Variants in COL16A1 observed in about 807,000 individuals in gnomAD.
COL16A1 encodes the protein collagen alpha-1(XVI) chain.
COL16A1 carries 189 observed loss-of-function variants against 266.3 expected under a neutral mutation model. That is an observed-to-expected ratio of 0.71 (90% CI 0.63 to 0.80). COL16A1 has a LOEUF of 0.80. COL16A1 is among the 30% of genes least tolerant of loss of function. The pLI, the probability that COL16A1 is intolerant of heterozygous loss-of-function variation, is 0.00. For missense variants in COL16A1, 1,928 were observed against 2,122.4 expected (o/e 0.91, Z 1.80); for synonymous variants, 740 against 782.3 (o/e 0.95, Z 0.90).
At position 31,666,125 on chromosome 1, in the gene COL16A1, GTGA is replaced by G. The variant is rs71983969; in HGVS notation, c.3358-47_3358-45del. 21,229 of 1,591,458 alleles carry G rather than the reference GTGA, an allele frequency of 0.013. 2,098 individuals are homozygous for G. In the African/African-American group the frequency reaches 0.23, roughly 18 times the overall value. On this transcript the variant is annotated intron_variant, in intron 52 of 70. Coordinates refer to ENST00000373672, the MANE Select transcript of COL16A1 (RefSeq NM_001856.4). ...AGAATCAGTCACTCCTCCTGGGGAGGTGAAGGATGAGGTAGGGGGATGTGACAG... is the reference window on the plus strand; with the variant it reads ...AGAATCAGTCACTCCTCCTGGGGAGGAGGATGAGGTAGGGGGATGTGACAG...
rs773914149 is a variant in COL16A1 at position 31,691,162 on chromosome 1, G to A, written c.1437+26C>T. On this transcript the variant is annotated intron_variant, in intron 20 of 70. Coordinates refer to ENST00000373672, the MANE Select transcript of COL16A1 (RefSeq NM_001856.4). ...TCCTGTCAAGCATGGAGCTCCCCACGTGACCACACTCCCACCTATGCTCAC... is the reference window on the plus strand; with the variant it reads ...TCCTGTCAAGCATGGAGCTCCCCACATGACCACACTCCCACCTATGCTCAC... 2.1e-5 allele frequency: 34 copies of A among 1,611,220 alleles called. No homozygotes were observed. In the East Asian group the frequency reaches 4.5e-4, roughly 21 times the overall value.
Position 31,652,464 on chromosome 1 carries a change from A to G in COL16A1, c.*187T>C, listed in dbSNP as rs79928805. ...GAGGGCAACAGGGAGCTCTGGCTGC[A>G]GCACCAGAGGAACCCACTGGAAGGG... On this transcript the variant is annotated 3_prime_UTR_variant, in exon 71 of 71. Coordinates refer to ENST00000373672, the MANE Select transcript of COL16A1 (RefSeq NM_001856.4). The surrounding 1 kb of genome is among the most constrained non-coding windows in gnomAD (Gnocchi z 4.8). 6.4e-4 allele frequency: 395 copies of G among 621,818 alleles called. No individual in the cohort carries two copies. The African/African-American group carries it at 7.0e-3, about 11-fold the overall frequency. 38.5% of individuals were successfully genotyped at this position (621,818 alleles called of 1,614,324 possible). A position where few individuals can be genotyped will look rare whatever the true frequency, so the allele number is the denominator to read the frequency against.
At chr1:31,665,484 T>C in intron 55 of COL16A1, 99 bp downstream of exon 55, 1 of 1,603,560 alleles carries the variant, frequency 6.2e-7, no homozygotes, top group Non-Finnish European at 8.5e-7. Flanking sequence ...TCTCCCCTCT[T>C]CTCCCCAGGA....
intron 62 of COL16A1, 23 bp downstream of exon 62, chr1:31,660,560 CAG>C: frequency 6.2e-7 from 1 of 1,613,418 alleles, no homozygotes; most frequent in Non-Finnish European, 8.5e-7. Context: ...CTTATGGAGA[CAG>C]AGACAAAAGT....
At chr1:31,655,527 G>A (rs1358572876) in intron 66 of COL16A1, 25 bp from the exon 67 acceptor site, 1 of 1,610,462 alleles carries the variant, frequency 6.2e-7, no homozygotes, top group Non-Finnish European at 8.5e-7. Context: ...ACTTAGTGCT[G>A]TCAAATTTAC....
Position 31,662,317 on chromosome 1 carries a change from C to G in COL16A1, c.3681+17G>C. 1 of 1,609,286 alleles carries G rather than the reference C, an allele frequency of 6.2e-7. No homozygotes were observed. Among genetic ancestry groups the G allele is most frequent in the Non-Finnish European group, 8.5e-7 (1 of 1,177,998 alleles). On this transcript the variant is annotated intron_variant, in intron 58 of 70. Coordinates refer to ENST00000373672, the MANE Select transcript of COL16A1 (RefSeq NM_001856.4). Reference sequence around the variant, plus strand: ...AGGAGAGGAAGGGGTGCCCGCCCTCCCAGCCCATCATCTCACCCTCAAGCC... The same window carrying G: ...AGGAGAGGAAGGGGTGCCCGCCCTCGCAGCCCATCATCTCACCCTCAAGCC...
chr1:31,681,748 A>G (rs2148758786), intron 37 of COL16A1, among the ~76,000 whole-genome samples: 1 of 152,368 alleles, frequency 6.6e-6, no homozygotes, highest in Admixed American at 6.5e-5. Flanking sequence ...CTCTGTGCTC[A>G]TAGCTCCTTC....
At chr1:31,696,763 G>T (rs1570590674) in intron 8 of COL16A1, among the ~76,000 whole-genome samples, 200 bp downstream of exon 8, 1 of 152,214 alleles carries the variant, frequency 6.6e-6, no homozygotes, top group South Asian at 2.1e-4. Context: ...TGGGCACAGG[G>T]CCACCCAGTG....
Position 31,658,916 on chromosome 1 carries a change from C to G in COL16A1, c.3928G>C (p.Val1310Leu), listed in dbSNP as rs1226342274. The change falls in exon 63 of 71, where the codon GTG becomes CTG. Residue 1310 changes from valine (V) to leucine (L), a missense_variant and splice_region_variant. By Grantham distance (32) the Val-to-Leu change is conservative. Coordinates refer to ENST00000373672, the MANE Select transcript of COL16A1 (RefSeq NM_001856.4). Reference protein sequence around the residue: ...GQPGPAGISAVGLKGDRGATG... With the variant: ...GQPGPAGISALGLKGDRGATG... ...AAGGAGTGGAGCATGTTACTCACCA[C>G]TGCAGAGATCCCAGCTGGTCCTGGC... The G allele has an allele frequency of 1.3e-6, 2 of 1,553,398 alleles. No individual in the cohort carries two copies. Among genetic ancestry groups the G allele is most frequent in the Non-Finnish European group, 1.7e-6 (2 of 1,148,042 alleles).
In COL16A1 at chr1:31,672,355, G is replaced by A. The variant is rs992273567; in HGVS notation, c.3105+61C>T. On this transcript the variant is annotated intron_variant, in intron 47 of 70. Transcript: ENST00000373672. ...GGTGAGGCCTCGGAGGCCCCCAAGA[G>A]GTCTCAAAGGCAGACAGGGCCCCAG... The A allele has an allele frequency of 8.8e-6, 14 of 1,596,522 alleles. No homozygotes were observed. In the African/African-American group the frequency reaches 1.9e-4, roughly 21 times the overall value.
At chr1:31,655,261 C>T in intron 67 of COL16A1, 53 bp downstream of exon 67, 2 of 1,563,052 alleles carry the variant, frequency 1.3e-6, no homozygotes, top group South Asian at 1.2e-5. Flanking sequence ...GAGCTCCACC[C>T]CACATGCCTG....
At chr1:31,696,846 C>A in intron 8 of COL16A1, 117 bp downstream of exon 8, 1 of 1,521,554 alleles carries the variant, frequency 6.6e-7, no homozygotes, top group Non-Finnish European at 8.9e-7. Flanking sequence ...CTTCCAGTGC[C>A]CCTCCTGCCC....
At chr1:31,676,096 G>A (rs1643157084) in intron 42 of COL16A1, among the ~76,000 whole-genome samples, 1 of 152,108 alleles carries the variant, frequency 6.6e-6, no homozygotes, top group East Asian at 1.9e-4. Context: ...AGGCCGAGGT[G>A]GGCGGATCAC....
At chr1:31,681,724 G>A (rs1002913953) in intron 37 of COL16A1, among the ~76,000 whole-genome samples, 7 of 152,236 alleles carry the variant, frequency 4.6e-5, no homozygotes, top group Non-Finnish European at 7.3e-5. Context: ...GCCTGGCCAC[G>A]CAGAGGCTCG....
Position 31,684,913 on chromosome 1 carries a change from C to T in COL16A1, c.2017-57G>A, listed in dbSNP as rs376585581. On this transcript the variant is annotated intron_variant, in intron 29 of 70. Coordinates refer to ENST00000373672, the MANE Select transcript of COL16A1 (RefSeq NM_001856.4). Reference sequence around the variant, plus strand: ...CTCATACCAGCCACCCCAAAGTGCCCGGCACCACATCAGGCTGGGGCATAC... The same window carrying T: ...CTCATACCAGCCACCCCAAAGTGCCTGGCACCACATCAGGCTGGGGCATAC... 1.1e-4 allele frequency: 185 copies of T among 1,610,630 alleles called. No homozygotes were observed. The African/African-American group carries it at 1.2e-3, about 10-fold the overall frequency.
rs1325144728 is a variant in COL16A1 at position 31,667,575 on chromosome 1, C to T, written c.3357G>A (p.Pro1119=). 8.8e-6 allele frequency: 14 copies of T among 1,595,506 alleles called. No individual in the cohort carries two copies. The highest frequency in any genetic ancestry group is 8.6e-5 in the Admixed American group (5 of 57,892). The change falls in exon 52 of 71, where the codon CCG becomes CCA. Residue 1119 remains proline (P), a splice_region_variant and synonymous_variant. Transcript: ENST00000373672. The stretch of plus-strand genomic sequence containing the variant: ...CCAGCCCCACGCCGCTGGGACTCAC[C>T]GGCTCTCCTTTCTCTCCCGCTGACC... ...YTGSAGEKGE[P]GPPGSEGLPG...
At position 31,685,593 on chromosome 1, in the gene COL16A1, CGCCTGCATCCCCCGTCCAGAGGCCCCT is replaced by C; in HGVS notation, c.2016+19_2016+45del. ...AGGACCCCTCCCCTCTCCTTAGCCC[CGCCTGCATCCCCCGTCCAGAGGCCCCT>C]GCCTATATCCCACCTCACCTGTTTT... is the stretch of plus-strand genomic sequence containing the variant. On this transcript the variant is annotated intron_variant, in intron 29 of 70. Transcript: ENST00000373672. The surrounding 1 kb of genome is among the most constrained non-coding windows in gnomAD (Gnocchi z 4.0). 1 of 1,596,764 alleles carries C rather than the reference CGCCTGCATCCCCCGTCCAGAGGCCCCT, an allele frequency of 6.3e-7. No individual in the cohort carries two copies. The highest frequency in any genetic ancestry group is 8.6e-7 in the Non-Finnish European group (1 of 1,168,932).
chr1:31,653,208 A>G (rs1197663469), intron 70 of COL16A1, among the ~76,000 whole-genome samples: 3 of 152,240 alleles, frequency 2.0e-5, no homozygotes, highest in Non-Finnish European at 2.9e-5. Context: ...GAGCCAGGTC[A>G]TCAGGCTTTG....
At position 31,688,502 on chromosome 1, in the gene COL16A1, C is replaced by A. The variant is rs1184271072; in HGVS notation, c.1768G>T (p.Gly590Cys). 6.2e-7 allele frequency: 1 copy of A among 1,614,144 alleles called. No individual in the cohort carries two copies. Among genetic ancestry groups the A allele is most frequent in the Admixed American group, 1.7e-5 (1 of 60,016 alleles). Residue 590 changes from glycine (G) to cysteine (C), a missense_variant and splice_region_variant, in exon 26 of 71, where the codon GGT becomes TGT. Physicochemically the swap from Gly to Cys is radical, Grantham distance 159. Coordinates refer to ENST00000373672, the MANE Select transcript of COL16A1 (RefSeq NM_001856.4). This position sits in a 1 kb window ranked among gnomAD's most constrained non-coding sequence, Gnocchi z 4.9. Reference protein sequence around the residue: ...SPGFGLPGLPGRAGVPGLKGE... With the variant: ...SPGFGLPGLPCRAGVPGLKGE... Reference sequence around the variant, plus strand: ...TTCAGCCCTGGAACCCCAGCTCTACCCTGAAAAACAACCAAGACAGAGTCT... The same window carrying A: ...TTCAGCCCTGGAACCCCAGCTCTACACTGAAAAACAACCAAGACAGAGTCT...
Sources: gnomAD v4.1 joint callset for allele counts (sites outside exome capture counted in the v4.1 genomes callset) on GRCh38, gnomAD v4.1.1 for gene constraint, Gnocchi (gnomAD v3.1) non-coding constraint, MANE v1.5 for transcripts, NCBI Gene and HGNC (gene_info 2026-07-23, HGNC 2026-07-21) for gene names.